Variants in HMCN2 observed in about 807,000 individuals in gnomAD.
The protein encoded by HMCN2 is hemicentin-2.
Under a neutral mutation model 377.5 loss-of-function variants are expected in HMCN2, and 325 were observed. The ratio of observed to expected loss-of-function variants is 0.86; its 90% CI spans 0.79 to 0.94. HMCN2 has a LOEUF of 0.94. Ranked by LOEUF, HMCN2 falls within the 40% of genes least tolerant of loss-of-function variation. HMCN2 has a pLI of 0.00. For missense variants in HMCN2, 4,543 were observed against 4,725.3 expected, an observed-to-expected ratio of 0.96 and a Z score of 1.13; for synonymous variants, 2,007 against 2,046.8, an observed-to-expected ratio of 0.98 and a Z score of 0.53.
Position 130,419,015 on chromosome 9 carries a change from C to T in HMCN2, c.13205C>T (p.Thr4402Ile), listed in dbSNP as rs999731270. The change falls in exon 86 of 98, where the codon ACA (threonine) becomes ATA (isoleucine). Residue 4402 changes from threonine to isoleucine, a missense_variant. Around this residue, in one of 5 missense-constraint regions of HMCN2, gnomAD observed 1,155 missense variants for 1,157.7 expected, o/e 1.00. Transcript: ENST00000683500. Reference sequence around the variant, plus strand: ...GCTCACAACCTCCTGGGCTCTGCCACAGCCCGGGCGTTCCTGGTCGTGAGA... The same window carrying T: ...GCTCACAACCTCCTGGGCTCTGCCATAGCCCGGGCGTTCCTGGTCGTGAGA... Reference protein sequence around the residue: ...CVAHNLLGSATARAFLVVRGE... With the variant: ...CVAHNLLGSAIARAFLVVRGE... 10 of 1,492,680 alleles carry T rather than the reference C, an allele frequency of 6.7e-6. No homozygotes were observed. The allele number at this position is 1,492,680 out of a possible 1,614,324, so 92.5% of individuals were successfully genotyped here. A position where few individuals can be genotyped will look rare whatever the true frequency, so the allele number is the denominator to read the frequency against.
intron 93 of HMCN2, chr9:130,429,234 C>G (rs1350938123): frequency 2.8e-6 from 1 of 354,312 alleles, no homozygotes; most frequent in African/African-American, 2.1e-5. Context: ...ACATCTTTAC[C>G]CTCTTTATGG....
At chr9:130,357,523 G>T (rs953311840) in intron 34 of HMCN2, among the ~76,000 whole-genome samples, 2 of 151,968 alleles carry the variant, frequency 1.3e-5, no homozygotes, top group Non-Finnish European at 2.9e-5. Context: ...GATGATGGAT[G>T]GGTGGGTGGA....
At position 130,397,690 on chromosome 9, in the gene HMCN2, C is replaced by A. The variant is rs1366030294; in HGVS notation, c.11326+35C>A. Reference sequence around the variant, plus strand: ...CTGGGGAAGGCCTTCAGTGTCCAGTCCCTGTCGGGGTCCAGTCCTTCTTAG... The same window carrying A: ...CTGGGGAAGGCCTTCAGTGTCCAGTACCTGTCGGGGTCCAGTCCTTCTTAG... On this transcript the variant is annotated intron_variant, in intron 74 of 97. Transcript: ENST00000683500. 6.2e-6 allele frequency: 8 copies of A among 1,287,470 alleles called. No individual in the cohort carries two copies. In the Admixed American group the frequency reaches 9.2e-5, roughly 15 times the overall value. The allele number at this position is 1,287,470 out of a possible 1,614,324, so 79.8% of individuals were successfully genotyped here. A position where few individuals can be genotyped will look rare whatever the true frequency, so the allele number is the denominator to read the frequency against.
rs754075381 is a variant in HMCN2 at position 130,406,127 on chromosome 9, C to T, written c.12512C>T (p.Thr4171Ile). Residue 4171 changes from threonine to isoleucine, a missense_variant, in exon 82 of 98, where the codon ACC becomes ATC. Thr to Ile is a moderately conservative substitution (Grantham distance 89, BLOSUM62 -1). Transcript: ENST00000683500. ...WLRCAARGSP[T>I]PRIGWTVNDR... Reference sequence around the variant, plus strand: ...CGCTGTGCAGCCCGGGGCAGCCCCACCCCTCGCATTGGCTGGACTGTCAAC... The same window carrying T: ...CGCTGTGCAGCCCGGGGCAGCCCCATCCCTCGCATTGGCTGGACTGTCAAC... The T allele has an allele frequency of 7.8e-7, 1 of 1,289,876 alleles. No homozygotes were observed. The allele number at this position is 1,289,876 out of a possible 1,614,324, so 79.9% of individuals were successfully genotyped here.
intron 77 of HMCN2, 139 bp from the exon 78 acceptor site, chr9:130,402,650 A>C: frequency 2.4e-6 from 1 of 416,748 alleles, no homozygotes; most frequent in Admixed American, 3.4e-5. Flanking sequence ...CCATACAGTC[A>C]CATCCCCCAG....
chr9:130,354,645 A>G, intron 31 of HMCN2, 118 bp from the exon 32 acceptor site: 1 of 858,468 alleles, frequency 1.2e-6, no homozygotes, highest in Non-Finnish European at 1.6e-6. Flanking sequence ...AGGTGAGGGA[A>G]GGAAGTGTTT....
At chr9:130,278,987 C>T (rs7048667) in intron 1 of HMCN2, among the ~76,000 whole-genome samples, 120,052 of 150,888 alleles carry the variant, frequency 0.8, 48,045 homozygotes, top group African/African-American at 0.9. Flanking sequence ...AACCTCCACC[C>T]CCTGGGTTCA....
At chr9:130,373,767 G>A (rs545043580) in intron 48 of HMCN2, among the ~76,000 whole-genome samples, 18 of 151,680 alleles carry the variant, frequency 1.2e-4, no homozygotes, top group African/African-American at 4.4e-4. Flanking sequence ...GTAGGTGGAT[G>A]GATAGATGGA....
Position 130,425,086 on chromosome 9 carries a change from G to A in HMCN2, c.13597G>A (p.Gly4533Ser). ...CCTGCTCCTCGACGTGGTGGTCAAT[G>A]GCGTTGTCCCCGAGAGCCTGGCTGA... is the stretch of plus-strand genomic sequence containing the variant. ...GLLLLDVVVN[G>S]VVPESLADAD... Residue 4533 changes from glycine to serine, a missense_variant, in exon 89 of 98, where the codon GGC (glycine) becomes AGC (serine). Gly to Ser is a moderately conservative substitution (Grantham distance 56, BLOSUM62 0). Around this residue, in one of 5 missense-constraint regions of HMCN2, gnomAD observed 1,155 missense variants for 1,157.7 expected, o/e 1.00. Coordinates refer to ENST00000683500, the MANE Select transcript of HMCN2 (RefSeq NM_001291815.2). 1 of 1,550,096 alleles carries A rather than the reference G, an allele frequency of 6.5e-7. No individual in the cohort carries two copies. The highest frequency in any genetic ancestry group is 8.7e-7 in the Non-Finnish European group (1 of 1,146,886).
In HMCN2 at chr9:130,354,752, C is replaced by T. The variant is rs1327468727; in HGVS notation, c.4865-11C>T. The T allele has an allele frequency of 1.6e-6, 2 of 1,289,930 alleles. No individual in the cohort carries two copies. Among genetic ancestry groups the T allele is most frequent in the Admixed American group, 2.3e-5 (1 of 42,698 alleles). The allele number at this position is 1,289,930 out of a possible 1,614,324, so 79.9% of individuals were successfully genotyped here. ...CTGTGGTCCCCAAGCCGCCCCCTGC[C>T]TCTTTTCCAGTCCCACCTACCATCG... On this transcript the variant is annotated splice_polypyrimidine_tract_variant and intron_variant, in intron 31 of 97. Coordinates refer to ENST00000683500, the MANE Select transcript of HMCN2 (RefSeq NM_001291815.2).
Position 130,374,721 on chromosome 9 carries a change from G to A in HMCN2, c.7630+28G>A, listed in dbSNP as rs187791410. ...AAGTTTTGGGCATCTCCTGGCCACCGCGGGTGCTGGAGGGAGGGAGAAGCA... is the reference window on the plus strand; with the variant it reads ...AAGTTTTGGGCATCTCCTGGCCACCACGGGTGCTGGAGGGAGGGAGAAGCA... On this transcript the variant is annotated intron_variant, in intron 49 of 97. Transcript: ENST00000683500. 1.7e-4 allele frequency: 167 copies of A among 982,252 alleles called. 4 individuals are homozygous for A. The Admixed American group carries it at 9.5e-3, about 56-fold the overall frequency. The allele number at this position is 982,252 out of a possible 1,614,324, so 60.8% of individuals were successfully genotyped here. A position where few individuals can be genotyped will look rare whatever the true frequency, so the allele number is the denominator to read the frequency against.
At chr9:130,392,785 AG>A (rs1235239679) in intron 66 of HMCN2, among the ~76,000 whole-genome samples, 2 of 152,138 alleles carry the variant, frequency 1.3e-5, no homozygotes, top group Non-Finnish European at 2.9e-5. Flanking sequence ...TTACAAGGTC[AG>A]GAGATCAAGA....
intron 76 of HMCN2, 43 bp downstream of exon 76, chr9:130,399,675 C>A: frequency 1.6e-6 from 2 of 1,245,274 alleles, no homozygotes; most frequent in Non-Finnish European, 2.1e-6. Context: ...GGGGTGGGGG[C>A]AGCGCCTTCC....
Position 130,405,122 on chromosome 9 carries a change from C to G in HMCN2, c.12339+63C>G, listed in dbSNP as rs1016125197. 9.8e-6 allele frequency: 11 copies of G among 1,124,228 alleles called. No homozygotes were observed. In the Admixed American group the frequency reaches 2.9e-4, roughly 30 times the overall value. The allele number at this position is 1,124,228 out of a possible 1,614,324, so 69.6% of individuals were successfully genotyped here. A position where few individuals can be genotyped will look rare whatever the true frequency, so the allele number is the denominator to read the frequency against. On this transcript the variant is annotated intron_variant, in intron 81 of 97. Transcript: ENST00000683500. ...GGCTGAGACCCCTGTTTGTCATGCTCTGCGCTGAGCACTATGCAGCCTTTA... is the reference window on the plus strand; with the variant it reads ...GGCTGAGACCCCTGTTTGTCATGCTGTGCGCTGAGCACTATGCAGCCTTTA...
rs1459659534 is a variant in HMCN2, at chr9:130,372,327, AG to A, written c.7272del (p.Glu2424AspfsTer40). On this transcript the variant is annotated frameshift_variant, in exon 47 of 98. Transcript: ENST00000683500. LOFTEE classifies it high-confidence loss of function. ...GWMLKMTQTQ[E>X]QDSGLYSCLA... Reference sequence around the variant, plus strand: ...ATGCTGAAGATGACTCAGACACAGGAGCAAGACAGTGGCCTCTACTCATGCC... The same window carrying A: ...ATGCTGAAGATGACTCAGACACAGGACAAGACAGTGGCCTCTACTCATGCC... The A allele has an allele frequency of 4.0e-5, 39 of 985,892 alleles. No individual in the cohort carries two copies. Among genetic ancestry groups the A allele is most frequent in the Non-Finnish European group, 4.6e-5 (38 of 830,082 alleles). The allele number at this position is 985,892 out of a possible 1,614,324, so 61.1% of individuals were successfully genotyped here.
At chr9:130,391,891 C>T in intron 65 of HMCN2, 44 bp from the exon 66 acceptor site, 1 of 971,416 alleles carries the variant, frequency 1.0e-6, no homozygotes, top group Non-Finnish European at 1.2e-6. Context: ...CCACCTTCCT[C>T]CCAAGACCTC....
intron 22 of HMCN2, among the ~76,000 whole-genome samples, chr9:130,333,001 C>T (rs1220578730): frequency 6.6e-6 from 1 of 150,686 alleles, no homozygotes; most frequent in Middle Eastern, 3.2e-3. Flanking sequence ...GGCAGGAGGG[C>T]AGTATTGAGA....
chr9:130,346,845 G>A (rs1262814802), intron 25 of HMCN2, among the ~76,000 whole-genome samples: 2 of 152,126 alleles, frequency 1.3e-5, no homozygotes, highest in African/African-American at 4.8e-5. Flanking sequence ...GGGGCTGGGG[G>A]TGCCTGTTGG....
intron 1 of HMCN2, among the ~76,000 whole-genome samples, chr9:130,270,291 G>GTTTT (rs1257016426): frequency 1.5e-5 from 1 of 64,968 alleles, no homozygotes; most frequent in Non-Finnish European, 2.9e-5. Context: ...TTGTTTGTTT[G>GTTTT]TTTGTTTTTT....
Sources: allele counts gnomAD v4.1 joint callset (sites outside exome capture counted in the v4.1 genomes callset), GRCh38; gene constraint gnomAD v4.1.1; regional missense constraint gnomAD v4.1.1; transcripts MANE v1.5; gene names NCBI Gene and HGNC (gene_info 2026-07-23, HGNC 2026-07-21).